EDIL3: variants seen among roughly 807,000 people sequenced by gnomAD.
EDIL3 encodes EGF-like repeat and discoidin I-like domain-containing protein 3.
Under a neutral mutation model 67.4 loss-of-function variants are expected in EDIL3, and 37 were observed. The ratio of observed to expected loss-of-function variants is 0.55; its 90% CI spans 0.42 to 0.72. EDIL3 has a LOEUF of 0.72. EDIL3 is among the 30% of genes least tolerant of loss of function. EDIL3 has a pLI of 0.00. For missense variants in EDIL3, 527 were observed against 586.3 expected, an observed-to-expected ratio of 0.90 and a Z score of 1.04; for synonymous variants, 195 against 196.3, an observed-to-expected ratio of 0.99 and a Z score of 0.05.
intron 6 of EDIL3, among the ~76,000 whole-genome samples, chr5:84,097,353 A>G (rs1421969760): frequency 6.6e-6 from 1 of 152,208 alleles, no homozygotes; most frequent in Non-Finnish European, 1.5e-5. Flanking sequence ...ACTATATCAT[A>G]CACATCAAAT....
At chr5:84,098,879 A>T (rs1162771517) in intron 6 of EDIL3, among the ~76,000 whole-genome samples, 1 of 152,172 alleles carries the variant, frequency 6.6e-6, no homozygotes, top group Non-Finnish European at 1.5e-5. Flanking sequence ...CCATTCCCAA[A>T]GCTATCAGAA....
At chr5:84,162,587 T>TA (rs1748632732) in intron 4 of EDIL3, among the ~76,000 whole-genome samples, 1 of 152,106 alleles carries the variant, frequency 6.6e-6, no homozygotes, top group South Asian at 2.1e-4. Context: ...TCTTTACCTC[T>TA]AGCTGCCTTC....
At chr5:84,383,879 C>T (rs1748152036) in intron 1 of EDIL3, among the ~76,000 whole-genome samples, 2 of 152,184 alleles carry the variant, frequency 1.3e-5, no homozygotes, top group South Asian at 4.1e-4. Context: ...AGCCTCTTCC[C>T]GCATCAACTA....
At position 84,229,849 on chromosome 5, in the gene EDIL3, C is replaced by G; in HGVS notation, c.226+6G>C. 1 of 1,596,832 alleles carries G rather than the reference C, an allele frequency of 6.3e-7. No homozygotes were observed. The highest frequency in any genetic ancestry group is 8.5e-7 in the Non-Finnish European group (1 of 1,170,040). On this transcript the variant is annotated splice_donor_region_variant and intron_variant, in intron 3 of 10. Coordinates refer to ENST00000296591, the MANE Select transcript of EDIL3 (RefSeq NM_005711.5). The stretch of plus-strand genomic sequence containing the variant: ...AAGAATTATGTTTACAACATAGGAA[C>G]TTTACCTGCTGAAGTTGGTTCTTCT...
At chr5:84,178,409 A>G (rs962525710) in intron 4 of EDIL3, among the ~76,000 whole-genome samples, 2 of 152,150 alleles carry the variant, frequency 1.3e-5, no homozygotes, top group African/African-American at 2.4e-5. Context: ...AATCCTTGCA[A>G]GAGTTTAAAG....
At chr5:84,111,187 C>A (rs537746297) in intron 5 of EDIL3, among the ~76,000 whole-genome samples, 1 of 152,232 alleles carries the variant, frequency 6.6e-6, no homozygotes, top group African/African-American at 2.4e-5. Flanking sequence ...CCCAGCCATG[C>A]TTCCTATACA....
At chr5:84,054,165 A>T (rs1466687797) in intron 9 of EDIL3, among the ~76,000 whole-genome samples, 1 of 151,668 alleles carries the variant, frequency 6.6e-6, no homozygotes, top group East Asian at 2.0e-4. Flanking sequence ...TATGCAAATC[A>T]GTAAATGTAA....
At chr5:84,096,337 G>T in intron 6 of EDIL3, among the ~76,000 whole-genome samples, 1 of 152,188 alleles carries the variant, frequency 6.6e-6, no homozygotes, top group East Asian at 1.9e-4. Flanking sequence ...ACCCTGCAAA[G>T]CCACAGAGGA....
At chr5:84,229,913 G>A (rs990524053) in intron 2 of EDIL3, 29 bp from the exon 3 acceptor site, 1 of 1,598,926 alleles carries the variant, frequency 6.3e-7, no homozygotes. Flanking sequence ...GTGAAATGGG[G>A]GTGGGGTAGA....
Position 84,319,615 on chromosome 5 carries a change from T to A in EDIL3, c.67+64693A>T, listed in dbSNP as rs185815085. ...TGGCGATTCCTAAATGATCTAGAAC[T>A]AGAAATACCATTTGATCCAGCAATC... is the stretch of plus-strand genomic sequence containing the variant. On this transcript the variant is annotated intron_variant, in intron 1 of 10. Transcript: ENST00000296591. Among the ~76,000 whole-genome samples the A allele has an allele frequency of 2.0e-3, 296 of 147,636 alleles. 1 individual carries two copies. The highest frequency in any genetic ancestry group is 7.1e-3 in the African/African-American group (283 of 39,938).
intron 4 of EDIL3, among the ~76,000 whole-genome samples, chr5:84,166,572 A>C (rs1168383184): frequency 2.6e-5 from 4 of 152,232 alleles, no homozygotes; most frequent in African/African-American, 4.8e-5. Context: ...TAAACAAATC[A>C]AGTCCTTGCT....
At chr5:83,976,498 A>T (rs1744878782) in intron 9 of EDIL3, among the ~76,000 whole-genome samples, 1 of 151,926 alleles carries the variant, frequency 6.6e-6, no homozygotes, top group African/African-American at 2.4e-5. Flanking sequence ...GACACATTTT[A>T]TTAAATCAAG....
intron 8 of EDIL3, among the ~76,000 whole-genome samples, chr5:84,061,110 A>C (rs1221366215): frequency 1.3e-5 from 2 of 152,160 alleles, no homozygotes; most frequent in Admixed American, 6.6e-5. Flanking sequence ...TTGTGCAAGC[A>C]TAATTTAAAC....
At chr5:84,380,276 C>G (rs978374832) in intron 1 of EDIL3, among the ~76,000 whole-genome samples, 7 of 151,586 alleles carry the variant, frequency 4.6e-5, no homozygotes, top group African/African-American at 1.2e-4. Context: ...AGATGCTAAG[C>G]GTCTTCCTTA....
chr5:84,076,704 A>T (rs561657802), intron 6 of EDIL3, among the ~76,000 whole-genome samples: 1 of 152,308 alleles, frequency 6.6e-6, no homozygotes, highest in South Asian at 2.1e-4. Flanking sequence ...TTTCACTTGA[A>T]ATTTCCAATT....
At position 83,999,098 on chromosome 5, in the gene EDIL3, T is replaced by A. The variant is rs980101371; in HGVS notation, c.1138-35738A>T. Among the ~76,000 whole-genome samples, 41 of 152,158 alleles carry A rather than the reference T, an allele frequency of 2.7e-4. 1 individual carries two copies. Among genetic ancestry groups the A allele is most frequent in the Non-Finnish European group, 3.5e-4 (24 of 68,014 alleles). On this transcript the variant is annotated intron_variant, in intron 9 of 10. Transcript: ENST00000296591. ...GGCTTGAGATGCCCCCTAATGCACA[T>A]GTGGCTGCAATGACCAAAGATGTAG... is the stretch of plus-strand genomic sequence containing the variant.
chr5:84,012,566 A>G (rs906190820), intron 9 of EDIL3, among the ~76,000 whole-genome samples: 2 of 152,168 alleles, frequency 1.3e-5, no homozygotes, highest in African/African-American at 4.8e-5. Flanking sequence ...AGGGTCCAGT[A>G]GCATTTGGAA....
At chr5:84,270,214 TAGC>T (rs1182189530) in intron 1 of EDIL3, among the ~76,000 whole-genome samples, 1 of 152,130 alleles carries the variant, frequency 6.6e-6, no homozygotes, top group African/African-American at 2.4e-5. Context: ...AAAACCCAAT[TAGC>T]AGCAAAGTAG....
At chr5:84,162,481 T>C (rs721196) in intron 4 of EDIL3, among the ~76,000 whole-genome samples, 4,754 of 152,240 alleles carry the variant, frequency 0.031, 231 homozygotes, top group African/African-American at 0.1. Context: ...GGTTGAAACA[T>C]GGCTTTGGTG....
Sources: gnomAD v4.1 joint callset for allele counts (sites outside exome capture counted in the v4.1 genomes callset) on GRCh38, gnomAD v4.1.1 for gene constraint, MANE v1.5 for transcripts, NCBI Gene and HGNC (gene_info 2026-07-23, HGNC 2026-07-21) for gene names.